Variants in ATP2C1 observed in about 807,000 individuals in gnomAD.
ATP2C1 encodes the protein calcium-transporting ATPase type 2C member 1.
In ATP2C1, 31 loss-of-function variants were observed where a neutral mutation model predicts 120.5. The ratio of observed to expected loss-of-function variants is 0.26; its 90% confidence interval spans 0.19 to 0.35. The LOEUF (loss-of-function observed/expected upper bound fraction) is 0.35. Ranked by LOEUF, ATP2C1 falls within the 10% of genes least tolerant of loss-of-function variation. The pLI is 1.00. For missense variants in ATP2C1, 731 were observed against 1,107.5 expected (o/e 0.66, Z 4.83); for synonymous variants, 351 against 358.7 (o/e 0.98, Z 0.24).
chr3:130,858,212 C>T (rs1451202464), intron 1 of ATP2C1, among the ~76,000 whole-genome samples: 1 of 152,084 alleles, frequency 6.6e-6, no homozygotes, highest in African/African-American at 2.4e-5. Context: ...TGTTAATCCC[C>T]TTTGGCAATA....
intron 1 of ATP2C1, among the ~76,000 whole-genome samples, chr3:130,862,335 T>TTTA (rs1405861224): frequency 6.7e-6 from 1 of 148,996 alleles, no homozygotes; most frequent in Non-Finnish European, 1.5e-5. Context: ...TATTTATTTA[T>TTTA]TTATTTATTT....
chr3:130,944,998 C>CGTATTTTTTTTACTGTT (rs2060081202), intron 8 of ATP2C1, among the ~76,000 whole-genome samples: 1 of 152,010 alleles, frequency 6.6e-6, no homozygotes, highest in Admixed American at 6.6e-5. Context: ...TTTAAAAGTT[C>CGTATTTTTTTTACTGTT]GTATTTTTTT....
chr3:130,886,541 CTTTT>C (rs1165920056), intron 1 of ATP2C1, among the ~76,000 whole-genome samples: 4 of 152,058 alleles, frequency 2.6e-5, no homozygotes, highest in Non-Finnish European at 5.9e-5. Flanking sequence ...ATCCTTATTT[CTTTT>C]GTCTTCTCTG....
At position 130,894,149 on chromosome 3, in the gene ATP2C1, T is replaced by TGGCCCG; in HGVS notation, c.-369_-368insGGCCCG. On this transcript the variant is annotated 5_prime_UTR_variant, in exon 1 of 28. Transcript: ENST00000510168. This position sits in a 1 kb window ranked among gnomAD's most constrained non-coding sequence, Gnocchi z 4.5. ...ACGGGTCCCCTCACCTCCTCTTCTC[T>TGGCCCG]CCCCTCCCCGCCCGCCCTCTCTCCC... 1 of 694,852 alleles carries TGGCCCG rather than the reference T, an allele frequency of 1.4e-6. No individual in the cohort carries two copies. The highest frequency in any genetic ancestry group is 1.8e-6 in the Non-Finnish European group (1 of 565,208). 43.0% of individuals were successfully genotyped at this position (694,852 alleles called of 1,614,324 possible).
At chr3:130,889,351 CCT>C (rs2069088473), upstream of ATP2C1, among the ~76,000 whole-genome samples, 1 of 152,114 alleles carries the variant, frequency 6.6e-6, no homozygotes, top group Non-Finnish European at 1.5e-5. Flanking sequence ...TATTCGAGGA[CCT>C]AGTGTACAAT....
At position 131,002,659 on chromosome 3, in the gene ATP2C1, T is replaced by C. The variant is rs554944749; in HGVS notation, c.*1309T>C. On this transcript the variant is annotated 3_prime_UTR_variant, in exon 28 of 28. Transcript: ENST00000510168. ...TTCTGTTGAGTATATAAACAAAAATTGGTCCCAATTCTAACAGGTTTAATC... is the reference window on the plus strand; with the variant it reads ...TTCTGTTGAGTATATAAACAAAAATCGGTCCCAATTCTAACAGGTTTAATC... The C allele has an allele frequency of 4.1e-6, 4 of 985,410 alleles. No homozygotes were observed. In the African/African-American group the frequency reaches 7.0e-5, roughly 17 times the overall value. The allele number at this position is 985,410 out of a possible 1,614,324, so 61.0% of individuals were successfully genotyped here.
chr3:131,015,335 C>T (rs1174194436), intron 26 of ATP2C1: 1 of 644,476 alleles, frequency 1.6e-6, no homozygotes, highest in Non-Finnish European at 2.8e-6. Flanking sequence ...AAAACACAAT[C>T]TATCTCCTTT....
At chr3:130,899,275 AACT>A (rs1190099464) in intron 2 of ATP2C1, 5 of 152,170 alleles carry the variant, frequency 3.3e-5, no homozygotes, top group African/African-American at 1.2e-4. Flanking sequence ...CTGAAAACTA[AACT>A]ACTAATAGTC....
chr3:130,896,378 T>C (rs1052950125), intron 2 of ATP2C1, among the ~76,000 whole-genome samples: 2 of 152,202 alleles, frequency 1.3e-5, no homozygotes, highest in African/African-American at 4.8e-5. Flanking sequence ...TGTGGTTTCA[T>C]AGTAAAAGAT....
chr3:131,008,524 A>G (rs1338717339), intron 26 of ATP2C1, among the ~76,000 whole-genome samples: 2 of 152,086 alleles, frequency 1.3e-5, no homozygotes, highest in African/African-American at 4.8e-5. Flanking sequence ...GAACACAACT[A>G]TCCACATTCA....
intron 2 of ATP2C1, among the ~76,000 whole-genome samples, chr3:130,923,893 C>T (rs1342900331): frequency 6.7e-6 from 1 of 150,328 alleles, no homozygotes; most frequent in Non-Finnish European, 1.5e-5. Flanking sequence ...AGGATAACTA[C>T]CTTTGCTTGC....
In ATP2C1 at chr3:130,894,694, C is replaced by A; in HGVS notation, c.-76C>A. Reference sequence around the variant, plus strand: ...TTCTCTTCCTTGTCCTCCTCCTCTCCTCTCTATTCCCAGTGTGGCCGTGGC... The same window carrying A: ...TTCTCTTCCTTGTCCTCCTCCTCTCATCTCTATTCCCAGTGTGGCCGTGGC... On this transcript the variant is annotated 5_prime_UTR_variant, in exon 2 of 28. Transcript: ENST00000510168. This position sits in a 1 kb window ranked among gnomAD's most constrained non-coding sequence, Gnocchi z 4.5. 1 of 1,614,020 alleles carries A rather than the reference C, an allele frequency of 6.2e-7. No individual in the cohort carries two copies. Among genetic ancestry groups the A allele is most frequent in the Non-Finnish European group, 8.5e-7 (1 of 1,179,944 alleles).
chr3:130,975,393 C>T lies in ATP2C1; in HGVS notation c.1475C>T (p.Thr492Ile), dbSNP rs1255445537. The T allele has an allele frequency of 2.5e-6, 4 of 1,613,806 alleles. No homozygotes were observed. Among genetic ancestry groups the T allele is most frequent in the Non-Finnish European group, 3.4e-6 (4 of 1,179,790 alleles). The change falls in exon 18 of 28, where the codon ACA becomes ATA. Residue 492 changes from threonine to isoleucine, a missense_variant. This residue lies in a region of ATP2C1 where 571 missense variants were observed against 845.9 expected (regional missense o/e 0.67). Transcript: ENST00000510168. ...AYEQVIKYCTTYQSKGQTLTL... is the reference protein window; with the variant it reads ...AYEQVIKYCTIYQSKGQTLTL... ...GAACAAGTAATTAAGTACTGTACTACATACCAGAGCAAAGGGCAGACCTTG... is the reference window on the plus strand; with the variant it reads ...GAACAAGTAATTAAGTACTGTACTATATACCAGAGCAAAGGGCAGACCTTG...
At chr3:130,858,982 A>C (rs1361738458) in intron 1 of ATP2C1, among the ~76,000 whole-genome samples, 1 of 152,216 alleles carries the variant, frequency 6.6e-6, no homozygotes, top group African/African-American at 2.4e-5. Flanking sequence ...AAAGGTAAAG[A>C]AATGAATTAT....
intron 1 of ATP2C1, among the ~76,000 whole-genome samples, chr3:130,875,977 G>T (rs529510749): frequency 2.0e-5 from 3 of 149,518 alleles, no homozygotes; most frequent in East Asian, 2.0e-4. Flanking sequence ...AGTTTTTTTT[G>T]GAGTTATTTT....
At chr3:130,949,319 G>C (rs1576843226) in intron 8 of ATP2C1, among the ~76,000 whole-genome samples, 1 of 152,110 alleles carries the variant, frequency 6.6e-6, no homozygotes, top group African/African-American at 2.4e-5. Context: ...AAGTTTGAAA[G>C]GTTTCGATAA....
chr3:130,958,546 A>T (rs537506795), intron 11 of ATP2C1, among the ~76,000 whole-genome samples: 2 of 152,226 alleles, frequency 1.3e-5, no homozygotes, highest in African/African-American at 4.8e-5. Context: ...CTTGTCTTAA[A>T]TGTTCATATT....
At chr3:130,929,047 A>G (rs1161939137) in intron 2 of ATP2C1, among the ~76,000 whole-genome samples, 2 of 152,156 alleles carry the variant, frequency 1.3e-5, no homozygotes, top group Admixed American at 6.5e-5. Context: ...TAAAATTCCT[A>G]ATCTTTTCTC....
At chr3:130,941,299 CGT>C (rs2059909739) in intron 7 of ATP2C1, among the ~76,000 whole-genome samples, 1 of 150,108 alleles carries the variant, frequency 6.7e-6, no homozygotes, top group African/African-American at 2.5e-5. Context: ...CATGCATGCG[CGT>C]GTCCATGCGC....
Sources: allele counts gnomAD v4.1 joint callset (sites outside exome capture counted in the v4.1 genomes callset), GRCh38; gene constraint gnomAD v4.1.1; regional missense constraint gnomAD v4.1.1; non-coding constraint Gnocchi (gnomAD v3.1); transcripts MANE v1.5; gene names NCBI Gene and HGNC (gene_info 2026-07-23, HGNC 2026-07-21).